The following SLC43A2 variants were observed in gnomAD, a reference collection of about 807,000 sequenced individuals.
SLC43A2 encodes solute carrier family 43 member 2, also known as large neutral amino acids transporter small subunit 4.
Under a neutral mutation model 63.2 loss-of-function variants are expected in SLC43A2, and 38 were observed. That is an observed-to-expected ratio of 0.60 (90% CI 0.46 to 0.79). The LOEUF (loss-of-function observed/expected upper bound fraction) is 0.79. Ranked by LOEUF, SLC43A2 falls within the 30% of genes least tolerant of loss-of-function variation. The probability of loss-of-function intolerance (pLI) is 0.00; values close to 1 mark genes in which losing one functional copy is unlikely to be tolerated. For missense variants in SLC43A2, 644 were observed against 756.2 expected, an observed-to-expected ratio of 0.85 and a Z score of 1.74; for synonymous variants, 322 against 331.0, an observed-to-expected ratio of 0.97 and a Z score of 0.30.
At chr17:1,619,515 T>C (rs1385657535) in intron 2 of SLC43A2, among the ~76,000 whole-genome samples, 1 of 152,016 alleles carries the variant, frequency 6.6e-6, no homozygotes, top group Non-Finnish European at 1.5e-5. Context: ...AAAAAGAAGC[T>C]CTACCACACG....
At chr17:1,629,512 T>C (rs990910359), upstream of SLC43A2, among the ~76,000 whole-genome samples, 9 of 152,172 alleles carry the variant, frequency 5.9e-5, no homozygotes, top group African/African-American at 1.7e-4. Context: ...GCCCGGTCCC[T>C]GGAAGTTGGC....
upstream of SLC43A2, among the ~76,000 whole-genome samples, chr17:1,629,284 C>T (rs1320891022): frequency 1.3e-5 from 2 of 152,118 alleles, no homozygotes; most frequent in African/African-American, 2.4e-5. Flanking sequence ...CCAGATGCGC[C>T]GGCTCCGCAC....
intron 5 of SLC43A2, chr17:1,604,709 C>T (rs1210568949): frequency 6.5e-7 from 1 of 1,534,614 alleles, no homozygotes; most frequent in Non-Finnish European, 8.7e-7. Flanking sequence ...TTCTGAAGCT[C>T]CTTTTAGACC....
chr17:1,617,059 G>A (rs1313164321), intron 2 of SLC43A2, among the ~76,000 whole-genome samples: 1 of 152,230 alleles, frequency 6.6e-6, no homozygotes, highest in African/African-American at 2.4e-5. Flanking sequence ...AGTTTCAGGA[G>A]CTTTGTGTGT....
chr17:1,590,429 T>C (rs756913853), intron 9 of SLC43A2, among the ~76,000 whole-genome samples: 16 of 152,146 alleles, frequency 1.1e-4, no homozygotes, highest in Admixed American at 5.2e-4. Flanking sequence ...ACCGTGCCAC[T>C]TTCTGGGAGG....
chr17:1,583,115 T>G lies in SLC43A2; in HGVS notation c.1350+89A>C. On this transcript the variant is annotated intron_variant, in intron 11 of 13. Coordinates refer to ENST00000301335, the MANE Select transcript of SLC43A2 (RefSeq NM_152346.3). The surrounding 1 kb of genome is among the most constrained non-coding windows in gnomAD (Gnocchi z 5.5). ...GAAAGTCATCCGCTTTGTTGATGGC[T>G]TCCATGAAACATTACACACTTTTGA... 1 of 1,401,130 alleles carries G rather than the reference T, an allele frequency of 7.1e-7. No homozygotes were observed. Among genetic ancestry groups the G allele is most frequent in the Non-Finnish European group, 9.9e-7 (1 of 1,009,320 alleles). The allele number at this position is 1,401,130 out of a possible 1,614,324, so 86.8% of individuals were successfully genotyped here. A position where few individuals can be genotyped will look rare whatever the true frequency, so the allele number is the denominator to read the frequency against.
At chr17:1,597,798 CAAAAAGAAAAA>C (rs1329090704) in intron 5 of SLC43A2, among the ~76,000 whole-genome samples, 4 of 143,420 alleles carry the variant, frequency 2.8e-5, no homozygotes, top group South Asian at 2.1e-4. Context: ...GACTCCGTCT[CAAAAAGAAAAA>C]AAAAAGAAAA....
intron 5 of SLC43A2, among the ~76,000 whole-genome samples, chr17:1,597,804 G>GA (rs202088571): frequency 0.066 from 9,473 of 143,732 alleles, 994 homozygotes; most frequent in African/African-American, 0.22. Flanking sequence ...GTCTCAAAAA[G>GA]AAAAAAAAAA....
At chr17:1,614,765 C>T (rs2151073574) in intron 4 of SLC43A2, among the ~76,000 whole-genome samples, 1 of 152,206 alleles carries the variant, frequency 6.6e-6, no homozygotes, top group African/African-American at 2.4e-5. Flanking sequence ...ATGGAAGTTG[C>T]TCATACCCTG....
chr17:1,628,006 C>A, intron 1 of SLC43A2, 86 bp from the exon 2 acceptor site: 1 of 1,211,074 alleles, frequency 8.3e-7, no homozygotes, highest in Non-Finnish European at 1.0e-6. Flanking sequence ...CCGCAGGGCT[C>A]GGGATTGCCA....
rs1435291885 is a variant in SLC43A2 at position 1,593,709 on chromosome 17, T to C, written c.502-430A>G. Among the ~76,000 whole-genome samples the C allele has an allele frequency of 6.6e-6, 1 of 152,132 alleles. No individual in the cohort carries two copies. Among genetic ancestry groups the C allele is most frequent in the African/African-American group, 2.4e-5 (1 of 41,424 alleles). On this transcript the variant is annotated intron_variant, in intron 5 of 13. Transcript: ENST00000301335. The surrounding 1 kb of genome is among the most constrained non-coding windows in gnomAD (Gnocchi z 5.3). ...ATTTTATAAATAAAAATATCAGCAT[T>C]CCAGAAAGACCAGATGTCAGCAAAA...
chr17:1,624,840 G>A (rs1162708511), intron 2 of SLC43A2, among the ~76,000 whole-genome samples: 2 of 152,120 alleles, frequency 1.3e-5, no homozygotes, highest in Admixed American at 1.3e-4. Context: ...AGGCCGCAGT[G>A]AGCTGTGATT....
rs549527922 is a variant in SLC43A2, at chr17:1,593,972, G to A, written c.502-693C>T. Among the ~76,000 whole-genome samples, 8 of 152,096 alleles carry A rather than the reference G, an allele frequency of 5.3e-5. No individual in the cohort carries two copies. Among genetic ancestry groups the A allele is most frequent in the Non-Finnish European group, 1.2e-4 (8 of 68,000 alleles). ...CTCCTGCCTCAGCCTCCCAAGTCGC[G>A]AGATTAGAGATGCCCGCCACCATGC... is the stretch of plus-strand genomic sequence containing the variant. On this transcript the variant is annotated intron_variant, in intron 5 of 13. Transcript: ENST00000301335. The surrounding 1 kb of genome is among the most constrained non-coding windows in gnomAD (Gnocchi z 5.3).
intron 9 of SLC43A2, among the ~76,000 whole-genome samples, chr17:1,588,601 G>A (rs1489143227): frequency 6.6e-6 from 1 of 151,340 alleles, no homozygotes; most frequent in Non-Finnish European, 1.5e-5. Context: ...GGAGGCCGAG[G>A]TGGGAGGATC....
At chr17:1,576,536 A>C in intron 13 of SLC43A2, 61 bp downstream of exon 13, 1 of 1,532,638 alleles carries the variant, frequency 6.5e-7, no homozygotes, top group Non-Finnish European at 8.8e-7. Context: ...GGGACCTTGC[A>C]GCTCGCAGTT....
At chr17:1,586,180 A>G in intron 9 of SLC43A2, 129 bp from the exon 10 acceptor site, 1 of 1,390,442 alleles carries the variant, frequency 7.2e-7, no homozygotes, top group Non-Finnish European at 9.5e-7. Flanking sequence ...CCCTGTCACT[A>G]TGGGTCTTGC....
At chr17:1,626,047 A>T (rs1017116877) in intron 2 of SLC43A2, among the ~76,000 whole-genome samples, 1 of 151,600 alleles carries the variant, frequency 6.6e-6, no homozygotes, top group African/African-American at 2.4e-5. Flanking sequence ...AAACACCTAG[A>T]ATCTGACCTT....
rs1308111760 is a variant in SLC43A2, at chr17:1,593,869, T to A, written c.502-590A>T. The stretch of plus-strand genomic sequence containing the variant: ...TTTTCTTTGTTTTGAGATGGGGTTT[T>A]GCTCTTGTTCCCCAGGCTGGAGCGC... On this transcript the variant is annotated intron_variant, in intron 5 of 13. Coordinates refer to ENST00000301335, the MANE Select transcript of SLC43A2 (RefSeq NM_152346.3). The surrounding 1 kb of genome is among the most constrained non-coding windows in gnomAD (Gnocchi z 5.3). Among the ~76,000 whole-genome samples the A allele has an allele frequency of 1.3e-5, 2 of 152,094 alleles. No individual in the cohort carries two copies. Among genetic ancestry groups the A allele is most frequent in the Non-Finnish European group, 2.9e-5 (2 of 68,014 alleles).
intron 9 of SLC43A2, 106 bp from the exon 10 acceptor site, chr17:1,586,157 C>G: frequency 6.9e-7 from 1 of 1,440,384 alleles, no homozygotes; most frequent in Non-Finnish European, 9.1e-7. Context: ...CTTCTGGGGT[C>G]TGCCCCAGAA....
Sources: gnomAD v4.1 joint callset for allele counts (sites outside exome capture counted in the v4.1 genomes callset) on GRCh38, gnomAD v4.1.1 for gene constraint, Gnocchi (gnomAD v3.1) non-coding constraint, MANE v1.5 for transcripts, NCBI Gene and HGNC (gene_info 2026-07-23, HGNC 2026-07-21) for gene names.